COL10A1: variants seen among roughly 807,000 people sequenced by gnomAD.
COL10A1 encodes collagen type X alpha 1 chain, also known as collagen alpha-1(X) chain.
COL10A1 carries 10 observed loss-of-function variants against 18.2 expected under a neutral mutation model. That is an observed-to-expected ratio of 0.55 (90% confidence interval 0.34 to 0.93). The LOEUF is 0.93. COL10A1 is among the 40% of genes least tolerant of loss of function. COL10A1 has a pLI of 0.02. For missense variants in COL10A1, 897 were observed against 853.5 expected (o/e 1.05, Z -0.64); for synonymous variants, 330 against 316.6 (o/e 1.04, Z -0.45).
upstream of COL10A1, among the ~76,000 whole-genome samples, chr6:116,161,347 T>A (rs543964804): frequency 2.6e-4 from 40 of 151,048 alleles, no homozygotes; most frequent in African/African-American, 9.7e-4. Flanking sequence ...ATAATAATAA[T>A]AAAAAATAAT....
the COL10A1 span, among the ~76,000 whole-genome samples, chr6:116,196,955 T>C: frequency 4.0e-5 from 6 of 151,770 alleles, no homozygotes; most frequent in East Asian, 9.8e-4. Flanking sequence ...TCCAGAGTTC[T>C]ATCTAGTTGC....
chr6:116,201,232 T>C, the COL10A1 span, among the ~76,000 whole-genome samples: 77 of 152,166 alleles, frequency 5.1e-4, 3 homozygotes, highest in South Asian at 0.016. Context: ...TAACTACAAT[T>C]AGTTACCTCT....
upstream of COL10A1, among the ~76,000 whole-genome samples, chr6:116,128,082 A>G (rs150922286): frequency 5.9e-5 from 9 of 152,214 alleles, no homozygotes; most frequent in Non-Finnish European, 1.3e-4. Context: ...TATTAGAGAC[A>G]CAAAAAAATC....
At chr6:116,154,029 CTTTTTTT>C (rs34356532) in intron 1 of COL10A1, among the ~76,000 whole-genome samples, 1 of 122,340 alleles carries the variant, frequency 8.2e-6, no homozygotes, top group Non-Finnish European at 1.7e-5. Flanking sequence ...GGGAAGATTT[CTTTTTTT>C]TTTTTTTTTT....
At chr6:116,169,675 A>G in the COL10A1 span, among the ~76,000 whole-genome samples, 6,193 of 152,290 alleles carry the variant, frequency 0.041, 194 homozygotes, top group African/African-American at 0.084. Flanking sequence ...CAAATGGATA[A>G]AACATGAGGA....
rs750734494 is a variant in COL10A1, at chr6:116,138,934, A to T, written c.-15-13427T>A. Among the ~76,000 whole-genome samples the T allele has an allele frequency of 5.3e-5, 8 of 152,170 alleles. No individual in the cohort carries two copies. The South Asian group carries it at 1.7e-3, about 31-fold the overall frequency. On this transcript the variant is annotated intron_variant, in intron 1 of 1. Transcript: ENST00000418500. ...TTCTCACATTGGTAAGTGTTAGTTTATAATTGCATTATTAGTTTTGTGACC... is the reference window on the plus strand; with the variant it reads ...TTCTCACATTGGTAAGTGTTAGTTTTTAATTGCATTATTAGTTTTGTGACC...
chr6:116,182,222 AGTGTGTGTGTGTGT>A, the COL10A1 span, among the ~76,000 whole-genome samples: 9 of 124,604 alleles, frequency 7.2e-5, no homozygotes, highest in Non-Finnish European at 1.2e-4. Context: ...TTCCATGGAG[AGTGTGTGTGTGTGT>A]GTGTGTGTGT....
intron 1 of COL10A1, among the ~76,000 whole-genome samples, chr6:116,158,045 A>G (rs1780239892): frequency 6.6e-6 from 1 of 152,252 alleles, no homozygotes; most frequent in Non-Finnish European, 1.5e-5. Context: ...AAGAAAAAGC[A>G]TCACATATTG....
At chr6:116,167,539 A>G in the COL10A1 span, among the ~76,000 whole-genome samples, 1 of 152,190 alleles carries the variant, frequency 6.6e-6, no homozygotes, top group Admixed American at 6.5e-5. Context: ...GGCAAAAAAT[A>G]TGCATCATTT....
intron 1 of COL10A1, among the ~76,000 whole-genome samples, chr6:116,155,531 A>G (rs2114410081): frequency 1.3e-5 from 2 of 152,226 alleles, no homozygotes; most frequent in Admixed American, 1.3e-4. Context: ...ACTAAAGCAA[A>G]CAATCTAAAC....
At chr6:116,147,013 A>T (rs867789501) in intron 1 of COL10A1, among the ~76,000 whole-genome samples, 16 of 148,670 alleles carry the variant, frequency 1.1e-4, no homozygotes, top group East Asian at 9.7e-4. Flanking sequence ...ATATATATAT[A>T]TTTTTAATCA....
the COL10A1 span, among the ~76,000 whole-genome samples, chr6:116,215,053 C>G: frequency 6.6e-6 from 1 of 152,016 alleles, no homozygotes; most frequent in Non-Finnish European, 1.5e-5. Flanking sequence ...CAGAATAGAA[C>G]CCAGTTATCA....
At chr6:116,148,586 A>G (rs754891637) in intron 1 of COL10A1, among the ~76,000 whole-genome samples, 8 of 152,192 alleles carry the variant, frequency 5.3e-5, no homozygotes, top group Non-Finnish European at 1.2e-4. Flanking sequence ...TATTACTATG[A>G]TAACAGTTTA....
At chr6:116,215,591 T>C in the COL10A1 span, among the ~76,000 whole-genome samples, 2 of 152,178 alleles carry the variant, frequency 1.3e-5, no homozygotes, top group East Asian at 1.9e-4. Context: ...GGATTTGTTA[T>C]ATTTTGAATA....
intron 1 of COL10A1, among the ~76,000 whole-genome samples, chr6:116,141,830 C>T (rs1453206679): frequency 6.8e-6 from 1 of 147,036 alleles, no homozygotes; most frequent in African/African-American, 2.5e-5. Flanking sequence ...CATTTAATTA[C>T]TGAAAATCCT....
chr6:116,156,389 T>C (rs1780194207), intron 1 of COL10A1, among the ~76,000 whole-genome samples: 1 of 152,202 alleles, frequency 6.6e-6, no homozygotes, highest in Admixed American at 6.5e-5. Flanking sequence ...TAATACTATG[T>C]AGGCACTTTG....
chr6:116,119,757 A>AT lies in COL10A1; in HGVS notation c.*315dup, dbSNP rs530914126. The AT allele has an allele frequency of 0.037, 8,123 of 219,046 alleles. 147 individuals are homozygous for AT. Among genetic ancestry groups the AT allele is most frequent in the Non-Finnish European group, 0.045 (5,043 of 112,924 alleles). The allele number at this position is 219,046 out of a possible 1,614,324, so 13.6% of individuals were successfully genotyped here. Reference sequence around the variant, plus strand: ...AGCTCTATTTCTGTTTTTTTTTTTAATTTTTTTTTTGTTGTTTGTTTTTTG... The same window carrying AT: ...AGCTCTATTTCTGTTTTTTTTTTTAATTTTTTTTTTTGTTGTTTGTTTTTTG... On this transcript the variant is annotated 3_prime_UTR_variant, in exon 3 of 3. Coordinates refer to ENST00000651968, the MANE Select transcript of COL10A1 (RefSeq NM_000493.4).
the COL10A1 span, among the ~76,000 whole-genome samples, chr6:116,197,059 G>A: frequency 1.3e-5 from 2 of 151,664 alleles, no homozygotes; most frequent in African/African-American, 4.8e-5. Context: ...CAGAGCCATA[G>A]CCTCAGAGCC....
chr6:116,161,710 G>T (rs912713507), upstream of COL10A1, among the ~76,000 whole-genome samples: 3 of 152,122 alleles, frequency 2.0e-5, no homozygotes. Flanking sequence ...TGGCTATTTA[G>T]GCTCTTATGG....
Sources: gnomAD v4.1 joint callset for allele counts (sites outside exome capture counted in the v4.1 genomes callset) on GRCh38, gnomAD v4.1.1 for gene constraint, MANE v1.5 for transcripts, NCBI Gene and HGNC (gene_info 2026-07-23, HGNC 2026-07-21) for gene names.